Variants in ACAD11 observed in about 807,000 individuals in gnomAD.
The protein encoded by ACAD11 is acyl-CoA dehydrogenase family member 11.
In ACAD11, 83 loss-of-function variants were observed where a neutral mutation model predicts 102.2. The ratio of observed to expected loss-of-function variants is 0.81; its 90% confidence interval spans 0.68 to 0.97. The LOEUF is 0.97. ACAD11 is among the 50% of genes least tolerant of loss of function. The probability of loss-of-function intolerance (pLI) is 0.00; values close to 1 mark genes in which losing one functional copy is unlikely to be tolerated. For missense variants in ACAD11, 901 were observed against 951.7 expected, an observed-to-expected ratio of 0.95 and a Z score of 0.70; for synonymous variants, 324 against 319.8, an observed-to-expected ratio of 1.01 and a Z score of -0.14.
chr3:132,653,592 C>T (rs1161995678), intron 1 of ACAD11, among the ~76,000 whole-genome samples: 2 of 152,016 alleles, frequency 1.3e-5, no homozygotes, highest in African/African-American at 4.8e-5. Flanking sequence ...ACCTCACTTC[C>T]CCCCTACTTA....
rs1170023521 is a variant in ACAD11 at position 132,618,659 on chromosome 3, T to C, written c.1389A>G (p.Pro463=). 6.2e-7 allele frequency: 1 copy of C among 1,606,272 alleles called. No individual in the cohort carries two copies. The highest frequency in any genetic ancestry group is 8.5e-7 in the Non-Finnish European group (1 of 1,177,116). ...CTGGTGCTTGGCAGTTAAAGACATC[T>C]GGAGCAAAAAAGCATTTTCCTGTTT... ...AEETGKCFFA[P]DVFNCQAPDT... The change falls in exon 11 of 20, where the codon CCA becomes CCG. Residue 463 remains proline, a synonymous_variant. Coordinates refer to ENST00000264990, the MANE Select transcript of ACAD11 (RefSeq NM_032169.5).
Position 132,659,636 on chromosome 3 carries a change from T to A in ACAD11, c.116A>T (p.Glu39Val), listed in dbSNP as rs1395919386. The A allele has an allele frequency of 6.2e-7, 1 of 1,610,622 alleles. No individual in the cohort carries two copies. The highest frequency in any genetic ancestry group is 8.5e-7 in the Non-Finnish European group (1 of 1,178,566). Residue 39 changes from glutamate to valine, a missense_variant, in exon 1 of 20, where the codon GAA (glutamate) becomes GTA (valine). Transcript: ENST00000264990. ...GGCAATGGTCAGCGTAGCCTCACGT[T>A]CGGCCCCAAAGCCAGACAAGTGCTG... Reference protein sequence around the residue: ...LNQHLSGFGAEREATLTIAQY... With the variant: ...LNQHLSGFGAVREATLTIAQY...
chr3:132,558,462 T>C lies in ACAD11; in HGVS notation c.*509A>G, dbSNP rs1287034677. 6.4e-6 allele frequency: 1 copy of C among 155,822 alleles called. No individual in the cohort carries two copies. The allele number at this position is 155,822 out of a possible 1,614,324, so 9.7% of individuals were successfully genotyped here. A position where few individuals can be genotyped will look rare whatever the true frequency, so the allele number is the denominator to read the frequency against. On this transcript the variant is annotated 3_prime_UTR_variant, in exon 20 of 20. Coordinates refer to ENST00000264990, the MANE Select transcript of ACAD11 (RefSeq NM_032169.5). ...CACCAGGGATCAGAGCCAGGTCAAA[T>C]TCTTGCTCCCCACCTCCACCCCACC...
At chr3:132,629,198 G>A (rs62291506) in intron 7 of ACAD11, among the ~76,000 whole-genome samples, 81 of 152,126 alleles carry the variant, frequency 5.3e-4, no homozygotes, top group African/African-American at 1.3e-3. Context: ...TCACTCTGTC[G>A]CCCAGGCTGG....
rs769687369 is a variant in ACAD11 at position 132,628,357 on chromosome 3, T to G, written c.1053A>C (p.Gly351=). The part of the protein sequence containing the change: ...ANIVQPLAET[G]LQLSKRTFST... Reference sequence around the variant, plus strand: ...TTCCTTACCGTTTGGAGAGTTGTAGTCCAGTTTCTGCCAGAGGTTGCACAA... The same window carrying G: ...TTCCTTACCGTTTGGAGAGTTGTAGGCCAGTTTCTGCCAGAGGTTGCACAA... Residue 351 remains glycine, a synonymous_variant, in exon 8 of 20, where the codon GGA becomes GGC. Coordinates refer to ENST00000264990, the MANE Select transcript of ACAD11 (RefSeq NM_032169.5). The G allele has an allele frequency of 3.7e-6, 6 of 1,612,562 alleles. No individual in the cohort carries two copies. The South Asian group carries it at 6.6e-5, about 18-fold the overall frequency.
chr3:132,617,577 T>C (rs1285492163), intron 11 of ACAD11, among the ~76,000 whole-genome samples: 1 of 152,152 alleles, frequency 6.6e-6, no homozygotes, highest in Non-Finnish European at 1.5e-5. Context: ...AAACCACCAT[T>C]ATCTCTCACC....
intron 13 of ACAD11, among the ~76,000 whole-genome samples, chr3:132,596,745 TAGAG>T (rs1208160733): frequency 6.6e-6 from 1 of 152,172 alleles, no homozygotes; most frequent in Non-Finnish European, 1.5e-5. Flanking sequence ...GGGACAAGGA[TAGAG>T]AAAGTACAGT....
intron 19 of ACAD11, among the ~76,000 whole-genome samples, chr3:132,559,544 G>C (rs1242218986): frequency 1.3e-5 from 2 of 152,074 alleles, no homozygotes; most frequent in Non-Finnish European, 1.5e-5. Flanking sequence ...ATATTAGATA[G>C]TCACTGACAT....
intron 1 of ACAD11, among the ~76,000 whole-genome samples, chr3:132,654,932 G>A (rs1459868882): frequency 1.3e-5 from 2 of 152,182 alleles, no homozygotes; most frequent in Non-Finnish European, 2.9e-5. Flanking sequence ...GAGCTCTGTG[G>A]TACAGCCTGC....
chr3:132,577,292 C>T (rs567824945), intron 15 of ACAD11, among the ~76,000 whole-genome samples: 1 of 152,150 alleles, frequency 6.6e-6, no homozygotes, highest in Non-Finnish European at 1.5e-5. Flanking sequence ...AGACCAGGCT[C>T]CATAGATCCA....
chr3:132,641,263 G>A (rs1310577803), intron 4 of ACAD11, among the ~76,000 whole-genome samples: 2 of 152,124 alleles, frequency 1.3e-5, no homozygotes, highest in African/African-American at 4.8e-5. Flanking sequence ...AAAACTGTAA[G>A]CCGGGCATGG....
At chr3:132,626,658 A>G in intron 9 of ACAD11, 33 bp downstream of exon 9, 1 of 1,610,524 alleles carries the variant, frequency 6.2e-7, no homozygotes, top group Non-Finnish European at 8.5e-7. Context: ...ATAGTCCTTT[A>G]GCAGAAATAC....
chr3:132,651,672 C>T (rs1940936304), intron 1 of ACAD11, among the ~76,000 whole-genome samples: 1 of 152,208 alleles, frequency 6.6e-6, no homozygotes, highest in African/African-American at 2.4e-5. Context: ...ATATCCTTTG[C>T]CCAAGACTGT....
intron 13 of ACAD11, among the ~76,000 whole-genome samples, chr3:132,591,604 T>C (rs1938076841): frequency 2.6e-5 from 4 of 152,202 alleles, no homozygotes; most frequent in Admixed American, 2.0e-4. Flanking sequence ...CATTTAAAAA[T>C]GTTGGCCGGG....
At chr3:132,613,587 A>T (rs1939264052) in intron 11 of ACAD11, among the ~76,000 whole-genome samples, 1 of 152,018 alleles carries the variant, frequency 6.6e-6, no homozygotes. Flanking sequence ...TGCAGATGAC[A>T]TGATAGTATA....
At chr3:132,641,412 C>T (rs1401816576) in intron 4 of ACAD11, among the ~76,000 whole-genome samples, 6 of 152,026 alleles carry the variant, frequency 3.9e-5, no homozygotes, top group East Asian at 1.9e-4. Context: ...GGCGTGATGG[C>T]GGGAGCCTGT....
Position 132,642,937 on chromosome 3 carries a change from T to C in ACAD11, c.250-135A>G, listed in dbSNP as rs73002022. The C allele has an allele frequency of 4.0e-3, 3,152 of 791,104 alleles. 60 individuals are homozygous for C. In the African/African-American group the frequency reaches 0.044, roughly 11 times the overall value. The allele number at this position is 791,104 out of a possible 1,614,324, so 49.0% of individuals were successfully genotyped here. On this transcript the variant is annotated intron_variant, in intron 2 of 19. Transcript: ENST00000264990. ...TATCAACACAAACTCCAGAGGATAA[T>C]AGTAATAACTTCCCTAATAGTAATC...
chr3:132,626,858 TCCAAAG>T (rs747615395), intron 8 of ACAD11, 41 bp from the exon 9 acceptor site: 35 of 1,582,756 alleles, frequency 2.2e-5, no homozygotes, highest in Admixed American at 3.7e-5. Flanking sequence ...TACAAAGATG[TCCAAAG>T]ATCATTATTA....
intron 11 of ACAD11, 60 bp downstream of exon 11, chr3:132,618,570 TATAG>T (rs1436307292): frequency 5.2e-6 from 7 of 1,353,522 alleles, no homozygotes; most frequent in Non-Finnish European, 6.8e-6. Flanking sequence ...TCTTATCATA[TATAG>T]AAATTTTAAA....
Sources: allele counts gnomAD v4.1 joint callset (sites outside exome capture counted in the v4.1 genomes callset), GRCh38; gene constraint gnomAD v4.1.1; transcripts MANE v1.5; gene names NCBI Gene and HGNC (gene_info 2026-07-23, HGNC 2026-07-21).